ZNF710: variants seen among roughly 807,000 people sequenced by gnomAD.
The protein encoded by ZNF710 is zinc finger protein 710.
Under a neutral mutation model 50.6 loss-of-function variants are expected in ZNF710, and 13 were observed. The ratio of observed to expected loss-of-function variants is 0.26; its 90% confidence interval spans 0.17 to 0.41. The LOEUF is 0.41. Among genes scored for constraint, ZNF710 ranks in the 10% least tolerant of loss-of-function variants. ZNF710 has a pLI of 1.00. For synonymous variants in ZNF710, 383 were observed against 397.0 expected (o/e 0.96, Z 0.42); for missense variants, 721 against 936.6 (o/e 0.77, Z 3.01).
rs1235261392 is a variant in ZNF710, at chr15:90,080,960, GCGTGCTT to G, written c.*1133_*1139del. 6.6e-6 allele frequency: 1 copy of G among 152,194 alleles called. No individual in the cohort carries two copies. The highest frequency in any genetic ancestry group is 1.5e-5 in the Non-Finnish European group (1 of 68,046). The allele number at this position is 152,194 out of a possible 1,614,324, so 9.4% of individuals were successfully genotyped here. ...AAGCGTAAGCTTCCTAATGTGCTGT[GCGTGCTT>G]CCTACCCACCCACCCCGAGCAGCCT... On this transcript the variant is annotated 3_prime_UTR_variant, in exon 5 of 5. Transcript: ENST00000268154.
At chr15:90,041,911 T>C (rs1215964727) in intron 1 of ZNF710, among the ~76,000 whole-genome samples, 2 of 150,332 alleles carry the variant, frequency 1.3e-5, no homozygotes, top group Admixed American at 1.3e-4. Flanking sequence ...TTTTTTTTTT[T>C]TTTTGAGATA....
At chr15:90,024,436 T>G (rs1898712153) in intron 1 of ZNF710, among the ~76,000 whole-genome samples, 1 of 152,208 alleles carries the variant, frequency 6.6e-6, no homozygotes, top group Non-Finnish European at 1.5e-5. Flanking sequence ...CACCTGTGCT[T>G]CTTCCTCCCA....
chr15:90,076,788 A>G (rs1319934667), intron 4 of ZNF710: 2 of 150,522 alleles, frequency 1.3e-5, no homozygotes, highest in African/African-American at 4.9e-5. Context: ...TCCAGTTTTT[A>G]CCAGAAATCG....
rs1490717971 is a variant in ZNF710, at chr15:90,062,470, C to A, written c.-28-4640C>A. Among the ~76,000 whole-genome samples the A allele has an allele frequency of 6.6e-6, 1 of 152,078 alleles. No homozygotes were observed. The highest frequency in any genetic ancestry group is 2.4e-5 in the African/African-American group (1 of 41,416). On this transcript the variant is annotated intron_variant, in intron 1 of 4. Coordinates refer to ENST00000268154, the MANE Select transcript of ZNF710 (RefSeq NM_198526.4). This position sits in a 1 kb window ranked among gnomAD's most constrained non-coding sequence, Gnocchi z 5.6. ...GAGCTTTTGTTCTGAGTCCTTAGCA[C>A]AAGTGGTGGGAGAGGCCCTGCTCTA...
chr15:90,016,747 T>C lies in ZNF710; in HGVS notation c.-29+15133T>C, dbSNP rs368455012. Among the ~76,000 whole-genome samples the C allele has an allele frequency of 3.9e-4, 59 of 152,340 alleles. 2 individuals carry two copies. In the Middle Eastern group the frequency reaches 0.01, roughly 26 times the overall value. ...CTTGTTTTTTTTAACCAACATTTCA[T>C]TGGTCAAGGACAAATGGCCATACAC... is the stretch of plus-strand genomic sequence containing the variant. On this transcript the variant is annotated intron_variant, in intron 1 of 4. Transcript: ENST00000268154.
intron 1 of ZNF710, among the ~76,000 whole-genome samples, chr15:90,023,153 G>A (rs1468250790): frequency 6.6e-6 from 1 of 152,178 alleles, no homozygotes; most frequent in Admixed American, 6.5e-5. Flanking sequence ...CCTATAAGGA[G>A]TGGTAGTGGG....
intron 2 of ZNF710, among the ~76,000 whole-genome samples, chr15:90,070,860 A>G (rs1331384441): frequency 6.6e-6 from 1 of 152,208 alleles, no homozygotes; most frequent in Admixed American, 6.5e-5. Flanking sequence ...TAGGCTTGGC[A>G]ATAAAACCCT....
At chr15:90,043,695 C>T (rs1034497154) in intron 1 of ZNF710, among the ~76,000 whole-genome samples, 1 of 152,228 alleles carries the variant, frequency 6.6e-6, no homozygotes, top group Non-Finnish European at 1.5e-5. Context: ...CTGCTTCAGG[C>T]TGCTCCTTTT....
chr15:90,063,887 C>T (rs370395742), intron 1 of ZNF710, among the ~76,000 whole-genome samples: 4 of 152,268 alleles, frequency 2.6e-5, no homozygotes, highest in South Asian at 4.1e-4. Flanking sequence ...AGGGAACTAA[C>T]GACACTGACA....
chr15:90,054,920 G>C (rs1283500478), intron 1 of ZNF710, among the ~76,000 whole-genome samples: 3 of 152,194 alleles, frequency 2.0e-5, no homozygotes. Context: ...GGGTCTATCT[G>C]GCTGCTGTCC....
At position 90,040,061 on chromosome 15, in the gene ZNF710, GC is replaced by G. The variant is rs1899252125; in HGVS notation, c.-28-27047del. Among the ~76,000 whole-genome samples the G allele has an allele frequency of 6.6e-6, 1 of 152,220 alleles. No homozygotes were observed. Among genetic ancestry groups the G allele is most frequent in the Non-Finnish European group, 1.5e-5 (1 of 68,026 alleles). On this transcript the variant is annotated intron_variant, in intron 1 of 4. Coordinates refer to ENST00000268154, the MANE Select transcript of ZNF710 (RefSeq NM_198526.4). The surrounding 1 kb of genome is among the most constrained non-coding windows in gnomAD (Gnocchi z 4.6). ...AAAGACCATAATGTACAGCAGAGGTGCCTGGTGAGGAAACAGTCAGCATGCC... is the reference window on the plus strand; with the variant it reads ...AAAGACCATAATGTACAGCAGAGGTGCTGGTGAGGAAACAGTCAGCATGCC...
intron 1 of ZNF710, among the ~76,000 whole-genome samples, chr15:90,011,281 G>T (rs1473011401): frequency 2.0e-5 from 3 of 151,616 alleles, no homozygotes; most frequent in African/African-American, 7.3e-5. Flanking sequence ...CTCCTGGCTG[G>T]TTTTATTTTT....
At chr15:90,045,238 T>G (rs535042549) in intron 1 of ZNF710, 1 of 647,510 alleles carries the variant, frequency 1.5e-6, no homozygotes, top group South Asian at 6.9e-5. Context: ...CTGTCCATGT[T>G]TGCCAGGCAG....
In ZNF710 at chr15:90,068,431, C is replaced by T. The variant is rs755952174; in HGVS notation, c.1294C>T (p.Pro432Ser). The T allele has an allele frequency of 1.4e-5, 23 of 1,613,976 alleles. No individual in the cohort carries two copies. Among genetic ancestry groups the T allele is most frequent in the Non-Finnish European group, 1.7e-5 (20 of 1,180,058 alleles). The stretch of plus-strand genomic sequence containing the variant: ...GCGCCACCTGGCCTCCCACCAGGGC[C>T]CCACCCTCTACCAGTGCCTCGAGTG... ...LKRHLASHQG[P>S]TLYQCLECDK... Residue 432 changes from proline to serine, a missense_variant, in exon 2 of 5, where the codon CCC (proline) becomes TCC (serine). Around this residue, in one of 3 missense-constraint regions of ZNF710, gnomAD observed 326 missense variants for 522.0 expected, o/e 0.62. Transcript: ENST00000268154. The surrounding 1 kb of genome is among the most constrained non-coding windows in gnomAD (Gnocchi z 5.0).
chr15:90,035,993 AG>A (rs923015943), intron 1 of ZNF710, among the ~76,000 whole-genome samples: 4 of 152,126 alleles, frequency 2.6e-5, no homozygotes, highest in Middle Eastern at 3.2e-3. Context: ...CATGCTTCCA[AG>A]GGTGGCAGGA....
chr15:89,999,044 C>A (rs1303504925), upstream of ZNF710, among the ~76,000 whole-genome samples: 1 of 152,334 alleles, frequency 6.6e-6, no homozygotes, highest in African/African-American at 2.4e-5. Flanking sequence ...GCAGTAAACA[C>A]TTCAACTCTT....
intron 1 of ZNF710, among the ~76,000 whole-genome samples, chr15:90,012,378 C>T (rs1388608457): frequency 4.0e-5 from 6 of 149,038 alleles, no homozygotes; most frequent in African/African-American, 7.5e-5. Context: ...CTGCAAGCTC[C>T]GCCCCCCGGG....
chr15:90,070,610 G>A (rs2151532376), intron 2 of ZNF710, among the ~76,000 whole-genome samples: 1 of 151,900 alleles, frequency 6.6e-6, no homozygotes, highest in African/African-American at 2.4e-5. Flanking sequence ...TCACACCACT[G>A]TGCTCCAGCC....
intron 1 of ZNF710, among the ~76,000 whole-genome samples, chr15:90,042,533 C>T (rs969884959): frequency 6.6e-6 from 1 of 152,230 alleles, no homozygotes; most frequent in Non-Finnish European, 1.5e-5. Context: ...TTCCTCCACT[C>T]AGCCTCTCTG....
Sources: allele counts gnomAD v4.1 joint callset (sites outside exome capture counted in the v4.1 genomes callset), GRCh38; gene constraint gnomAD v4.1.1; regional missense constraint gnomAD v4.1.1; non-coding constraint Gnocchi (gnomAD v3.1); transcripts MANE v1.5; gene names NCBI Gene and HGNC (gene_info 2026-07-23, HGNC 2026-07-21).